The following SPAG16 variants were observed in gnomAD, a reference collection of about 807,000 sequenced individuals.
SPAG16 encodes the protein sperm associated antigen 16, also known as sperm-associated antigen 16 protein.
A neutral mutation model predicts 80.4 loss-of-function variants in SPAG16; 86 were observed. The ratio of observed to expected loss-of-function variants is 1.07; its 90% CI spans 0.90 to 1.28. The LOEUF is 1.28. Ranked by LOEUF, SPAG16 falls within the 50% of genes most tolerant of loss-of-function variation. The pLI, the probability that SPAG16 is intolerant of heterozygous loss-of-function variation, is 0.00. For missense variants in SPAG16, 870 were observed against 765.3 expected (o/e 1.14, Z -1.61); for synonymous variants, 294 against 265.9 (o/e 1.11, Z -1.03).
chr2:213,566,150 T>C (rs115946325), intron 10 of SPAG16, among the ~76,000 whole-genome samples: 1 of 151,910 alleles, frequency 6.6e-6, no homozygotes, highest in Non-Finnish European at 1.5e-5. Context: ...GTTGCTGGAG[T>C]GAAGGAGGAG....
At chr2:213,729,453 CTT>C (rs2066930675) in intron 10 of SPAG16, among the ~76,000 whole-genome samples, 1 of 152,120 alleles carries the variant, frequency 6.6e-6, no homozygotes, top group African/African-American at 2.4e-5. Flanking sequence ...TATTATAAGA[CTT>C]AGCGTGGCAA....
At chr2:214,042,557 A>G (rs2049095523) in intron 13 of SPAG16, among the ~76,000 whole-genome samples, 1 of 152,072 alleles carries the variant, frequency 6.6e-6, no homozygotes, top group Non-Finnish European at 1.5e-5. Context: ...CCCCTATCTC[A>G]TCATAGGAAA....
intron 10 of SPAG16, among the ~76,000 whole-genome samples, chr2:213,513,877 T>C (rs1162740525): frequency 6.6e-6 from 1 of 152,194 alleles, no homozygotes; most frequent in Non-Finnish European, 1.5e-5. Context: ...GCAAATGTTA[T>C]ATCCAGTGGG....
intron 10 of SPAG16, among the ~76,000 whole-genome samples, chr2:213,704,482 A>G (rs1010522041): frequency 2.0e-5 from 3 of 152,090 alleles, no homozygotes; most frequent in Non-Finnish European, 4.4e-5. Context: ...ACTCTCTGCT[A>G]CTCTGTCTCT....
chr2:213,680,655 A>T (rs573882438), intron 10 of SPAG16, among the ~76,000 whole-genome samples: 1 of 152,262 alleles, frequency 6.6e-6, no homozygotes, highest in South Asian at 2.1e-4. Context: ...ATAATTGTCA[A>T]CAAAAAGAGT....
intron 10 of SPAG16, among the ~76,000 whole-genome samples, chr2:213,649,481 C>T (rs1318644655): frequency 1.3e-5 from 2 of 152,142 alleles, no homozygotes; most frequent in African/African-American, 2.4e-5. Flanking sequence ...AAAAAAATAA[C>T]CCAGAATCCA....
At chr2:213,544,107 A>AT (rs60128650) in intron 10 of SPAG16, among the ~76,000 whole-genome samples, 59 of 148,254 alleles carry the variant, frequency 4.0e-4, no homozygotes, top group Admixed American at 1.2e-3. Context: ...TGGCTTTCTG[A>AT]TTTTTTTTTT....
chr2:213,955,134 C>G (rs774994607), intron 12 of SPAG16, among the ~76,000 whole-genome samples: 11 of 151,966 alleles, frequency 7.2e-5, no homozygotes, highest in Non-Finnish European at 1.3e-4. Context: ...TATTTTGCAG[C>G]ACAAATGCCT....
intron 13 of SPAG16, among the ~76,000 whole-genome samples, chr2:214,045,343 T>C (rs934699167): frequency 2.0e-5 from 3 of 152,110 alleles, no homozygotes; most frequent in Admixed American, 2.0e-4. Flanking sequence ...GCAGGATCCA[T>C]CACCTGTTGA....
At chr2:214,045,446 C>T (rs1009392082) in intron 13 of SPAG16, among the ~76,000 whole-genome samples, 1 of 152,142 alleles carries the variant, frequency 6.6e-6, no homozygotes, top group Non-Finnish European at 1.5e-5. Flanking sequence ...CTGGCTTCAG[C>T]TGAGACTCAG....
intron 15 of SPAG16, among the ~76,000 whole-genome samples, chr2:214,297,231 T>A (rs1477228102): frequency 6.6e-6 from 1 of 152,162 alleles, no homozygotes; most frequent in Non-Finnish European, 1.5e-5. Flanking sequence ...GGAGTCATAA[T>A]TTGCAATTAT....
chr2:214,093,512 G>A (rs1170283337), intron 13 of SPAG16, among the ~76,000 whole-genome samples: 1 of 148,644 alleles, frequency 6.7e-6, no homozygotes, highest in Non-Finnish European at 1.5e-5. Flanking sequence ...ATATGTGTGT[G>A]TATGTATATG....
At chr2:213,469,363 GA>G (rs1051154685) in intron 9 of SPAG16, among the ~76,000 whole-genome samples, 1 of 152,044 alleles carries the variant, frequency 6.6e-6, no homozygotes, top group Admixed American at 6.6e-5. Context: ...TCACATGATA[GA>G]GGGGAAAGGA....
chr2:214,343,446 G>C (rs2126034857), intron 15 of SPAG16, among the ~76,000 whole-genome samples: 1 of 152,068 alleles, frequency 6.6e-6, no homozygotes, highest in African/African-American at 2.4e-5. Context: ...GATTGTATTT[G>C]GTCATAGGAA....
intron 10 of SPAG16, among the ~76,000 whole-genome samples, chr2:213,604,488 T>C (rs566614846): frequency 6.6e-6 from 1 of 152,326 alleles, no homozygotes; most frequent in South Asian, 2.1e-4. Context: ...AATTGAATTA[T>C]GTGTCCTCAT....
chr2:214,253,691 G>T (rs1690468354), intron 15 of SPAG16, among the ~76,000 whole-genome samples: 1 of 152,234 alleles, frequency 6.6e-6, no homozygotes, highest in East Asian at 1.9e-4. Context: ...GTACCGTGCT[G>T]TTTTGGTTGC....
At chr2:213,556,347 GCCTA>G (rs1229583586) in intron 10 of SPAG16, among the ~76,000 whole-genome samples, 1 of 145,252 alleles carries the variant, frequency 6.9e-6, no homozygotes, top group Non-Finnish European at 1.5e-5. Flanking sequence ...ACTATATGCT[GCCTA>G]CAAGAGCCTC....
chr2:213,998,523 TC>T (rs1211466398), intron 12 of SPAG16, among the ~76,000 whole-genome samples: 1 of 152,298 alleles, frequency 6.6e-6, no homozygotes. Context: ...CTTTTTTTCT[TC>T]CCATTCTTGG....
intron 10 of SPAG16, among the ~76,000 whole-genome samples, chr2:213,613,293 T>A (rs1318919006): frequency 2.0e-5 from 3 of 152,192 alleles, no homozygotes; most frequent in African/African-American, 7.2e-5. Flanking sequence ...CTCACAAAAC[T>A]CATTGGCTCT....
Sources: allele counts gnomAD v4.1 joint callset (sites outside exome capture counted in the v4.1 genomes callset), GRCh38; gene constraint gnomAD v4.1.1; transcripts MANE v1.5; gene names NCBI Gene and HGNC (gene_info 2026-07-23, HGNC 2026-07-21).